The following PTPRQ variants were observed in gnomAD, a reference collection of about 807,000 sequenced individuals.
PTPRQ encodes protein tyrosine phosphatase receptor type Q, also known as phosphatidylinositol phosphatase PTPRQ.
PTPRQ carries 199 observed loss-of-function variants against 246.0 expected under a neutral mutation model. The ratio of observed to expected loss-of-function variants is 0.81; its 90% confidence interval spans 0.72 to 0.91. PTPRQ has a LOEUF of 0.91. Ranked by LOEUF, PTPRQ falls within the 40% of genes least tolerant of loss-of-function variation. The probability of loss-of-function intolerance (pLI) is 0.00; values close to 1 mark genes in which losing one functional copy is unlikely to be tolerated. For missense variants in PTPRQ, 2,624 were observed against 2,528.4 expected (o/e 1.04, Z -0.81); for synonymous variants, 869 against 853.2 (o/e 1.02, Z -0.32).
chr12:80,548,651 C>T (rs1482826756), intron 24 of PTPRQ, among the ~76,000 whole-genome samples: 4 of 150,190 alleles, frequency 2.7e-5, no homozygotes, highest in Non-Finnish European at 4.4e-5. Context: ...TGTTTGTAAT[C>T]CACAAATTGA....
intron 17 of PTPRQ, among the ~76,000 whole-genome samples, chr12:80,528,313 A>G (rs1895749762): frequency 6.6e-6 from 1 of 152,146 alleles, no homozygotes; most frequent in Non-Finnish European, 1.5e-5. Flanking sequence ...CAAATTTTGG[A>G]GCCCTAATGG....
In PTPRQ at chr12:80,459,903, G is replaced by A. The variant is rs139246959; in HGVS notation, c.660+420G>A. ...ATATTTTACTTCCATATGACAGGAG[G>A]GAAGAGTACATGTAGGGTAATAGTT... On this transcript the variant is annotated intron_variant, in intron 5 of 44. Coordinates refer to ENST00000644991, the MANE Select transcript of PTPRQ (RefSeq NM_001145026.2). Among the ~76,000 whole-genome samples, 141 of 152,280 alleles carry A rather than the reference G, an allele frequency of 9.3e-4. 1 individual carries two copies. Among genetic ancestry groups the A allele is most frequent in the Non-Finnish European group, 1.3e-3 (87 of 68,010 alleles).
Position 80,549,471 on chromosome 12 carries a change from A to G in PTPRQ, c.4022A>G (p.Asp1341Gly). ...VKFTTQESVP[D>G]VVQNMQCMAT... Reference sequence around the variant, plus strand: ...CATATGTTTATCTCTTAAGTTCCAGATGTCGTGCAGAATATGCAGTGCATG... The same window carrying G: ...CATATGTTTATCTCTTAAGTTCCAGGTGTCGTGCAGAATATGCAGTGCATG... Residue 1341 changes from aspartate to glycine, a missense_variant, in exon 25 of 45, where the codon GAT (aspartate) becomes GGT (glycine). Asp to Gly is a moderately conservative substitution (Grantham distance 94). Transcript: ENST00000644991. The G allele has an allele frequency of 6.5e-7, 1 of 1,544,898 alleles. No individual in the cohort carries two copies. The highest frequency in any genetic ancestry group is 8.8e-7 in the Non-Finnish European group (1 of 1,142,832).
At chr12:80,536,432 A>T (rs1344362007) in intron 19 of PTPRQ, among the ~76,000 whole-genome samples, 2 of 152,252 alleles carry the variant, frequency 1.3e-5, no homozygotes, top group African/African-American at 4.8e-5. Flanking sequence ...CTAACCTAGC[A>T]GGGAGAAAGA....
At chr12:80,620,459 C>G in intron 32 of PTPRQ, 83 bp downstream of exon 32, 1 of 1,521,734 alleles carries the variant, frequency 6.6e-7, no homozygotes, top group Non-Finnish European at 8.8e-7. Context: ...GTCCTTTCAT[C>G]TTTCCAATAA....
At chr12:80,661,005 G>C (rs1900610393) in intron 39 of PTPRQ, among the ~76,000 whole-genome samples, 1 of 151,014 alleles carries the variant, frequency 6.6e-6, no homozygotes, top group Non-Finnish European at 1.5e-5. Context: ...TCTTATCTTA[G>C]TACCACGTAA....
At chr12:80,474,277 T>A (rs1488027746) in intron 8 of PTPRQ, among the ~76,000 whole-genome samples, 1 of 152,238 alleles carries the variant, frequency 6.6e-6, no homozygotes, top group African/African-American at 2.4e-5. Context: ...TAAAGTTACT[T>A]AATTTAATTT....
chr12:80,485,800 G>GTTTCCCAC (rs1023039474), intron 9 of PTPRQ, among the ~76,000 whole-genome samples: 2 of 152,068 alleles, frequency 1.3e-5, no homozygotes, highest in African/African-American at 4.8e-5. Flanking sequence ...TAGATGACAG[G>GTTTCCCAC]TTTCCCACTT....
intron 41 of PTPRQ, among the ~76,000 whole-genome samples, chr12:80,669,974 C>G (rs192831207): frequency 6.6e-6 from 1 of 152,092 alleles, no homozygotes; most frequent in East Asian, 1.9e-4. Context: ...GATCTTTATA[C>G]TTTTCACATA....
chr12:80,456,770 AG>A (rs1411097970), intron 3 of PTPRQ, among the ~76,000 whole-genome samples: 5 of 152,192 alleles, frequency 3.3e-5, no homozygotes, highest in Non-Finnish European at 7.4e-5. Flanking sequence ...TGATGTCTTC[AG>A]TGTAAGTAAT....
In PTPRQ at chr12:80,670,433, T is replaced by C. The variant is rs1165903068; in HGVS notation, c.6543T>C (p.Phe2181=). Residue 2181 remains phenylalanine, a synonymous_variant, in exon 42 of 45, where the codon TTT becomes TTC. Coordinates refer to ENST00000644991, the MANE Select transcript of PTPRQ (RefSeq NM_001145026.2). ...VPENSAPLIH[F]VKLVRASRAH... is the part of the protein sequence containing the mutation. The stretch of plus-strand genomic sequence containing the variant: ...AGAACAGCGCCCCTCTAATTCACTT[T>C]GTGAAGTTGGTTCGAGCAAGCAGGG... 2.6e-6 allele frequency: 4 copies of C among 1,551,172 alleles called. No individual in the cohort carries two copies. The African/African-American group carries it at 5.5e-5, about 21-fold the overall frequency.
rs1898929584 is a variant in PTPRQ at position 80,620,261 on chromosome 12, A to G, written c.5497A>G (p.Thr1833Ala). Residue 1833 changes from threonine to alanine, a missense_variant, in exon 32 of 45, where the codon ACA becomes GCA. By Grantham distance (58) the Thr-to-Ala change is moderately conservative. Coordinates refer to ENST00000644991, the MANE Select transcript of PTPRQ (RefSeq NM_001145026.2). ...FPNPPCTEGK[T>A]KFSGNEEIYI... The stretch of plus-strand genomic sequence containing the variant: ...TAACCCTCCATGTACAGAAGGAAAG[A>G]CAAAGTTTAGTGGCAATGAAGAAAT... 2 of 1,549,630 alleles carry G rather than the reference A, an allele frequency of 1.3e-6. No homozygotes were observed. Among genetic ancestry groups the G allele is most frequent in the Non-Finnish European group, 1.7e-6 (2 of 1,145,598 alleles).
At chr12:80,618,360 T>TCTCA (rs1898845967) in intron 30 of PTPRQ, among the ~76,000 whole-genome samples, 1 of 125,534 alleles carries the variant, frequency 8.0e-6, no homozygotes, top group Non-Finnish European at 1.8e-5. Context: ...AGCACTACAT[T>TCTCA]CACACACACA....
intron 25 of PTPRQ, among the ~76,000 whole-genome samples, chr12:80,578,117 C>G (rs1047819329): frequency 2.6e-5 from 4 of 150,976 alleles, no homozygotes; most frequent in African/African-American, 9.8e-5. Context: ...ATGTGCACAA[C>G]GTGCAGGTTT....
rs1010424238 is a variant in PTPRQ at position 80,486,813 on chromosome 12, A to G, written c.1359+2208A>G. Among the ~76,000 whole-genome samples the G allele has an allele frequency of 3.9e-5, 6 of 152,166 alleles. No individual in the cohort carries two copies. In the East Asian group the frequency reaches 5.8e-4, roughly 15 times the overall value. On this transcript the variant is annotated intron_variant, in intron 9 of 44. Coordinates refer to ENST00000644991, the MANE Select transcript of PTPRQ (RefSeq NM_001145026.2). ...AGTGACCTCCCCAGTGTGCAACACAAGAATTAAATATTTTTAACCACCCTT... is the reference window on the plus strand; with the variant it reads ...AGTGACCTCCCCAGTGTGCAACACAGGAATTAAATATTTTTAACCACCCTT...
chr12:80,670,457 G>C lies in PTPRQ; in HGVS notation c.6567G>C (p.Arg2189Ser). 1 of 1,551,014 alleles carries C rather than the reference G, an allele frequency of 6.4e-7. No homozygotes were observed. Among genetic ancestry groups the C allele is most frequent in the Non-Finnish European group, 8.7e-7 (1 of 1,146,516 alleles). Residue 2189 changes from arginine (R) to serine (S), a missense_variant, in exon 42 of 45, where the codon AGG (arginine) becomes AGC (serine). Coordinates refer to ENST00000644991, the MANE Select transcript of PTPRQ (RefSeq NM_001145026.2). ...IHFVKLVRASRAHDTTPMIVH... is the reference protein window; with the variant it reads ...IHFVKLVRASSAHDTTPMIVH... ...TTGTGAAGTTGGTTCGAGCAAGCAG[G>C]GCACATGACACCACACCTATGATTG...
intron 37 of PTPRQ, 74 bp downstream of exon 37, chr12:80,649,743 A>G (rs1242207531): frequency 6.8e-7 from 1 of 1,476,994 alleles, no homozygotes; most frequent in Admixed American, 2.3e-5. Flanking sequence ...TGTCCATTTT[A>G]AGCAAGCAAG....
At position 80,635,201 on chromosome 12, in the gene PTPRQ, G is replaced by A. The variant is rs1383124299; in HGVS notation, c.5915+128G>A. On this transcript the variant is annotated intron_variant, in intron 35 of 44. Transcript: ENST00000644991. ...CAGGTCACAGAGATCTTCTTTCAAAGAGTGACCTCCGTCTTCTACACACTT... is the reference window on the plus strand; with the variant it reads ...CAGGTCACAGAGATCTTCTTTCAAAAAGTGACCTCCGTCTTCTACACACTT... 93 of 1,365,882 alleles carry A rather than the reference G, an allele frequency of 6.8e-5. No homozygotes were observed. The East Asian group carries it at 2.5e-3, about 37-fold the overall frequency. 84.6% of individuals were successfully genotyped at this position (1,365,882 alleles called of 1,614,324 possible). A position where few individuals can be genotyped will look rare whatever the true frequency, so the allele number is the denominator to read the frequency against.
Position 80,679,074 on chromosome 12 carries a change from CA to C in PTPRQ, c.*54del. ...GAAGAGATTTTTAAATCCCAGGGGC[CA>C]AAGTTACCCCCTCATTCTTCCGAAT... is the stretch of plus-strand genomic sequence containing the variant. On this transcript the variant is annotated 3_prime_UTR_variant, in exon 45 of 45. Coordinates refer to ENST00000644991, the MANE Select transcript of PTPRQ (RefSeq NM_001145026.2). 1 of 1,529,988 alleles carries C rather than the reference CA, an allele frequency of 6.5e-7. No homozygotes were observed. The allele number at this position is 1,529,988 out of a possible 1,614,324, so 94.8% of individuals were successfully genotyped here.
Sources: allele counts gnomAD v4.1 joint callset (sites outside exome capture counted in the v4.1 genomes callset), GRCh38; gene constraint gnomAD v4.1.1; transcripts MANE v1.5; gene names NCBI Gene and HGNC (gene_info 2026-07-23, HGNC 2026-07-21).